Variants in DDX60 observed in about 807,000 individuals in gnomAD.
The protein encoded by DDX60 is DExD/H-box helicase 60.
Under a neutral mutation model 212.8 loss-of-function variants are expected in DDX60, and 165 were observed. The observed-to-expected ratio is 0.78, with a 90% CI of 0.68 to 0.88. The LOEUF (loss-of-function observed/expected upper bound fraction) is 0.88, where lower values mean the gene tolerates loss of function less well. Ranked by LOEUF, DDX60 falls within the 40% of genes least tolerant of loss-of-function variation. DDX60 has a pLI of 0.00. For synonymous variants in DDX60, 703 were observed against 685.3 expected (o/e 1.03, Z -0.40); for missense variants, 1,905 against 2,003.9 (o/e 0.95, Z 0.94).
chr4:168,294,282 T>C (rs1279085922), intron 6 of DDX60, among the ~76,000 whole-genome samples: 1 of 152,096 alleles, frequency 6.6e-6, no homozygotes, highest in African/African-American at 2.4e-5. Flanking sequence ...AAGACTTACA[T>C]ACAAGACTTG....
chr4:168,217,222 A>G (rs532283412), intron 37 of DDX60, among the ~76,000 whole-genome samples, 190 bp from the exon 38 acceptor site: 28 of 152,340 alleles, frequency 1.8e-4, no homozygotes, highest in African/African-American at 6.7e-4. Flanking sequence ...AGAAAAGATA[A>G]CAAAACAACC....
chr4:168,248,454 C>T (rs949884340), intron 28 of DDX60, among the ~76,000 whole-genome samples, 162 bp from the exon 29 acceptor site: 4 of 152,210 alleles, frequency 2.6e-5, no homozygotes, highest in Non-Finnish European at 5.9e-5. Flanking sequence ...TTCACAAACA[C>T]CACAAGTACA....
At chr4:168,310,667 T>G (rs1737089647) in intron 3 of DDX60, among the ~76,000 whole-genome samples, 1 of 152,160 alleles carries the variant, frequency 6.6e-6, no homozygotes, top group African/African-American at 2.4e-5. Flanking sequence ...CAGTTAAGTT[T>G]TGGAGGAGTA....
chr4:168,225,945 A>T (rs1733239242), intron 33 of DDX60, among the ~76,000 whole-genome samples: 1 of 152,092 alleles, frequency 6.6e-6, no homozygotes, highest in Non-Finnish European at 1.5e-5. Context: ...TTTTAAATAG[A>T]AGCATGCCCT....
intron 26 of DDX60, among the ~76,000 whole-genome samples, chr4:168,253,017 C>T (rs1734277128): frequency 6.6e-6 from 1 of 152,058 alleles, no homozygotes; most frequent in Admixed American, 6.6e-5. Context: ...GTTGGCCAGG[C>T]TTGTCTTGAA....
At chr4:168,297,773 G>C (rs962120757) in intron 6 of DDX60, among the ~76,000 whole-genome samples, 2 of 151,980 alleles carry the variant, frequency 1.3e-5, no homozygotes, top group African/African-American at 4.8e-5. Flanking sequence ...GCACAGGCCT[G>C]TAGTTCCAGC....
chr4:168,255,623 T>C (rs1217270044), intron 26 of DDX60, 88 bp downstream of exon 26: 5 of 1,181,674 alleles, frequency 4.2e-6, no homozygotes, highest in Non-Finnish European at 5.8e-6. Flanking sequence ...AGAACTTATT[T>C]ATAGAACATA....
chr4:168,257,536 A>T (rs1175528412), intron 25 of DDX60, among the ~76,000 whole-genome samples: 2 of 152,174 alleles, frequency 1.3e-5, no homozygotes, highest in Non-Finnish European at 2.9e-5. Flanking sequence ...TTTTTAACTG[A>T]CATATGTTGC....
intron 22 of DDX60, among the ~76,000 whole-genome samples, chr4:168,264,980 A>C (rs1734779632): frequency 6.6e-6 from 1 of 152,210 alleles, no homozygotes; most frequent in African/African-American, 2.4e-5. Context: ...CTAATGTCAT[A>C]GGTGACGGTA....
intron 4 of DDX60, 93 bp from the exon 5 acceptor site, chr4:168,306,813 A>T (rs1179757093): frequency 1.1e-6 from 1 of 944,218 alleles, no homozygotes; most frequent in African/African-American, 1.7e-5. Flanking sequence ...GAAGGAATAA[A>T]ATCCAACAGT....
chr4:168,235,092 C>T (rs1209716279), intron 33 of DDX60, among the ~76,000 whole-genome samples: 2 of 152,030 alleles, frequency 1.3e-5, no homozygotes, highest in Non-Finnish European at 2.9e-5. Context: ...GGGATACAAG[C>T]CTACCTATGA....
intron 4 of DDX60, among the ~76,000 whole-genome samples, chr4:168,307,532 C>T (rs992375131): frequency 2.6e-5 from 4 of 152,084 alleles, no homozygotes; most frequent in African/African-American, 4.8e-5. Flanking sequence ...CAGTGTCAAA[C>T]TCCTGGGCTC....
chr4:168,248,172 A>G lies in DDX60; in HGVS notation c.3963+16T>C. ...TTTCAGCAATACAATAAGCAAGTTT[A>G]TGCATTTTGCAATACCTGTCTATAA... On this transcript the variant is annotated intron_variant, in intron 29 of 37. Coordinates refer to ENST00000393743, the MANE Select transcript of DDX60 (RefSeq NM_017631.6). 1.3e-6 allele frequency: 2 copies of G among 1,553,654 alleles called. No homozygotes were observed. The highest frequency in any genetic ancestry group is 1.8e-6 in the Non-Finnish European group (2 of 1,140,244).
At chr4:168,314,840 A>G (rs1315248039) in intron 1 of DDX60, among the ~76,000 whole-genome samples, 1 of 152,190 alleles carries the variant, frequency 6.6e-6, no homozygotes, top group Non-Finnish European at 1.5e-5. Context: ...TTAGACTAGA[A>G]CTAAAGAACA....
chr4:168,297,370 GAAAGAAAGAA>G (rs1736435685), intron 6 of DDX60, among the ~76,000 whole-genome samples: 5 of 52,826 alleles, frequency 9.5e-5, no homozygotes, highest in East Asian at 3.4e-4. Flanking sequence ...AAGAAAGAAA[GAAAGAAAGAA>G]AGAGAAAGAA....
Position 168,306,402 on chromosome 4 carries a change from T to C in DDX60, c.583A>G (p.Arg195Gly). Residue 195 changes from arginine (R) to glycine (G), a missense_variant, in exon 5 of 38, where the codon AGA (arginine) becomes GGA (glycine). Physicochemically the swap from Arg to Gly is moderately radical, Grantham distance 125 (BLOSUM62 -2). Transcript: ENST00000393743. ...LYAYLLPSMY[R>G]HQIFSWKNKQ... ...ACCTTCCAGGAAAAAATCTGGTGTC[T>C]GTACATGCTTGGAAGAAGGTATGCA... 1 of 1,608,810 alleles carries C rather than the reference T, an allele frequency of 6.2e-7. No homozygotes were observed. Among genetic ancestry groups the C allele is most frequent in the Non-Finnish European group, 8.5e-7 (1 of 1,176,674 alleles).
chr4:168,265,982 T>C (rs552211981), intron 22 of DDX60, among the ~76,000 whole-genome samples: 6 of 152,268 alleles, frequency 3.9e-5, no homozygotes, highest in African/African-American at 1.4e-4. Context: ...ATGAGTTAAG[T>C]CACAAGAATT....
intron 32 of DDX60, among the ~76,000 whole-genome samples, chr4:168,236,818 T>C (rs1733645542): frequency 6.6e-6 from 1 of 151,764 alleles, no homozygotes; most frequent in Non-Finnish European, 1.5e-5. Context: ...TATTAGCTAT[T>C]TAGGTATACT....
Position 168,221,839 on chromosome 4 carries a change from C to T in DDX60, c.4867G>A (p.Val1623Met), listed in dbSNP as rs1164104757. The change falls in exon 36 of 38, where the codon GTG (valine) becomes ATG (methionine). Residue 1623 changes from valine to methionine, a missense_variant. Physicochemically the swap from Val to Met is conservative, Grantham distance 21 (BLOSUM62 1). Coordinates refer to ENST00000393743, the MANE Select transcript of DDX60 (RefSeq NM_017631.6). ...TTATCAAATTTCTGTGACAACAGCA[C>T]TGGAGCCTGAGAGCGATTGACACCG... ...TIGVNRSQAP[V>M]LLSQKFDNRG... 18 of 1,613,140 alleles carry T rather than the reference C, an allele frequency of 1.1e-5. No homozygotes were observed. The highest frequency in any genetic ancestry group is 1.5e-5 in the Non-Finnish European group (18 of 1,179,484).
Sources: allele counts gnomAD v4.1 joint callset (sites outside exome capture counted in the v4.1 genomes callset), GRCh38; gene constraint gnomAD v4.1.1; transcripts MANE v1.5; gene names NCBI Gene and HGNC (gene_info 2026-07-23, HGNC 2026-07-21).